The following TNFSF10 variants were observed in gnomAD, a reference collection of about 807,000 sequenced individuals.
TNFSF10 encodes tumor necrosis factor ligand superfamily member 10.
Under a neutral mutation model 29.5 loss-of-function variants are expected in TNFSF10, and 13 were observed. The observed-to-expected ratio is 0.44, with a 90% confidence interval of 0.29 to 0.70. The LOEUF is 0.70. TNFSF10 is among the 30% of genes least tolerant of loss of function. The probability of loss-of-function intolerance (pLI) is 0.13; values close to 1 mark genes in which losing one functional copy is unlikely to be tolerated. For synonymous variants in TNFSF10, 111 were observed against 112.8 expected (o/e 0.98, Z 0.10); for missense variants, 345 against 330.9 (o/e 1.04, Z -0.33).
At position 172,506,151 on chromosome 3, in the gene TNFSF10, C is replaced by G; in HGVS notation, c.*341G>C. The G allele has an allele frequency of 4.6e-6, 1 of 216,078 alleles. No homozygotes were observed. The highest frequency in any genetic ancestry group is 9.1e-6 in the Non-Finnish European group (1 of 109,928). The allele number at this position is 216,078 out of a possible 1,614,324, so 13.4% of individuals were successfully genotyped here. A position where few individuals can be genotyped will look rare whatever the true frequency, so the allele number is the denominator to read the frequency against. On this transcript the variant is annotated 3_prime_UTR_variant, in exon 5 of 5. Transcript: ENST00000241261. ...GGATTGTTGCTCTTTCTTCTACAGT[C>G]TTTACAAGGAGTAGATTATAAAGAC... is the stretch of plus-strand genomic sequence containing the variant.
rs548906990 is a variant in TNFSF10 at position 172,516,028 on chromosome 3, C to T, written c.133-1030G>A. Among the ~76,000 whole-genome samples the T allele has an allele frequency of 1.4e-4, 22 of 152,160 alleles. No homozygotes were observed. The Middle Eastern group carries it at 0.01, about 71-fold the overall frequency. On this transcript the variant is annotated intron_variant, in intron 1 of 4. Coordinates refer to ENST00000241261, the MANE Select transcript of TNFSF10 (RefSeq NM_003810.4). The stretch of plus-strand genomic sequence containing the variant: ...CTATAATCCCAGCACTCTGGGAGGC[C>T]GAGGCGGGTGAATCACAAAGTCAGG...
At chr3:172,515,720 C>T (rs763055346) in intron 1 of TNFSF10, among the ~76,000 whole-genome samples, 1 of 152,076 alleles carries the variant, frequency 6.6e-6, no homozygotes, top group African/African-American at 2.4e-5. Context: ...TATCAACGAG[C>T]TCCTCACCCT....
chr3:172,523,293 A>T lies in TNFSF10; in HGVS notation c.92T>A (p.Val31Glu), dbSNP rs774326181. 1 of 1,613,916 alleles carries T rather than the reference A, an allele frequency of 6.2e-7. No homozygotes were observed. Among genetic ancestry groups the T allele is most frequent in the African/African-American group, 1.3e-5 (1 of 74,934 alleles). The change falls in exon 1 of 5, where the codon GTG becomes GAG. Residue 31 changes from valine to glutamate, a missense_variant. Val to Glu is a moderately radical substitution (Grantham distance 121). Transcript: ENST00000241261. ...IFTVLLQSLC[V>E]AVTYVYFTNE... ...GGTAAAGTACACGTAAGTTACAGCC[A>T]CACAGAGAGACTGCAGGAGCACTGT...
At chr3:172,512,321 G>A (rs1713256053) in intron 2 of TNFSF10, among the ~76,000 whole-genome samples, 1 of 152,142 alleles carries the variant, frequency 6.6e-6, no homozygotes, top group South Asian at 2.1e-4. Flanking sequence ...TAACCAGTGG[G>A]GAAAACCAGT....
chr3:172,506,771 G>A lies in TNFSF10; in HGVS notation c.567C>T (p.Tyr189=), dbSNP rs751970569. 1 of 1,614,154 alleles carries A rather than the reference G, an allele frequency of 6.2e-7. No homozygotes were observed. The highest frequency in any genetic ancestry group is 1.1e-5 in the South Asian group (1 of 91,084). ...CTTTTATTTCCTCCTGAAATCGAAAGTATGTTTGGGAATAGATGTAGTAAA... is the reference window on the plus strand; with the variant it reads ...CTTTTATTTCCTCCTGAAATCGAAAATATGTTTGGGAATAGATGTAGTAAA... ...KGFYYIYSQT[Y]FRFQEEIKEN... is the part of the protein sequence containing the mutation. The change falls in exon 5 of 5, where the codon TAC becomes TAT. Residue 189 remains tyrosine, a synonymous_variant. Transcript: ENST00000241261.
In TNFSF10 at chr3:172,506,196, A is replaced by G. The variant is rs1712975821; in HGVS notation, c.*296T>C. ...AAAGACAGAAGATGTTAACCATTGC[A>G]TTAATGTTTGGAAGCTGACAGTCTT... On this transcript the variant is annotated 3_prime_UTR_variant, in exon 5 of 5. Coordinates refer to ENST00000241261, the MANE Select transcript of TNFSF10 (RefSeq NM_003810.4). The G allele has an allele frequency of 6.0e-6, 2 of 332,720 alleles. No homozygotes were observed. Among genetic ancestry groups the G allele is most frequent in the African/African-American group, 2.2e-5 (1 of 46,106 alleles). 20.6% of individuals were successfully genotyped at this position (332,720 alleles called of 1,614,324 possible).
intron 1 of TNFSF10, among the ~76,000 whole-genome samples, chr3:172,515,517 T>C (rs900642953): frequency 6.6e-5 from 10 of 152,212 alleles, no homozygotes; most frequent in Non-Finnish European, 1.5e-4. Flanking sequence ...GCTAGCTAAA[T>C]AGATTCTAGT....
intron 3 of TNFSF10, 70 bp from the exon 4 acceptor site, chr3:172,509,391 G>A (rs1713126314): frequency 2.4e-6 from 3 of 1,246,930 alleles, no homozygotes; most frequent in East Asian, 2.4e-5. Context: ...CTCTTCATAG[G>A]TGTTGTCAAT....
At chr3:172,515,708 A>T (rs1031076985) in intron 1 of TNFSF10, among the ~76,000 whole-genome samples, 2 of 152,062 alleles carry the variant, frequency 1.3e-5, no homozygotes, top group Non-Finnish European at 2.9e-5. Context: ...TAGTCAGATC[A>T]TTATCAACGA....
At position 172,511,508 on chromosome 3, in the gene TNFSF10, A is replaced by C. The variant is rs2108445984; in HGVS notation, c.313+109T>G. 1.3e-5 allele frequency: 11 copies of C among 852,070 alleles called. No homozygotes were observed. The South Asian group carries it at 1.6e-4, about 12-fold the overall frequency. The allele number at this position is 852,070 out of a possible 1,614,324, so 52.8% of individuals were successfully genotyped here. A position where few individuals can be genotyped will look rare whatever the true frequency, so the allele number is the denominator to read the frequency against. On this transcript the variant is annotated intron_variant, in intron 3 of 4. Coordinates refer to ENST00000241261, the MANE Select transcript of TNFSF10 (RefSeq NM_003810.4). ...GGCTTGAGATACGGAGCAGCAGATC[A>C]GAGGATGGATGAGTGGATGAGAACA...
intron 1 of TNFSF10, among the ~76,000 whole-genome samples, chr3:172,519,934 C>A (rs538038108): frequency 3.9e-5 from 6 of 152,028 alleles, no homozygotes; most frequent in Non-Finnish European, 8.8e-5. Context: ...ATAGGTTAAC[C>A]CTGTGGACAT....
At chr3:172,519,857 T>C (rs768319072) in intron 1 of TNFSF10, among the ~76,000 whole-genome samples, 50 of 152,252 alleles carry the variant, frequency 3.3e-4, no homozygotes, top group Non-Finnish European at 5.6e-4. Context: ...TTTCATTTCC[T>C]AGTCAGCTGG....
intron 3 of TNFSF10, among the ~76,000 whole-genome samples, chr3:172,509,976 CAAAA>C (rs11290814): frequency 8.8e-5 from 9 of 101,872 alleles, no homozygotes; most frequent in Admixed American, 1.1e-4. Flanking sequence ...AAGACTCCGT[CAAAA>C]AAAAAAAAAA....
chr3:172,521,398 G>A (rs974485152), intron 1 of TNFSF10, among the ~76,000 whole-genome samples: 3 of 151,890 alleles, frequency 2.0e-5, no homozygotes, highest in Non-Finnish European at 2.9e-5. Context: ...CAAAAGATAT[G>A]AACAGATACT....
intron 1 of TNFSF10, chr3:172,522,471 A>C (rs1322421120): frequency 2.3e-6 from 3 of 1,311,252 alleles, no homozygotes; most frequent in Non-Finnish European, 3.3e-6. Context: ...ATTGGTTAGA[A>C]TCTCTTACTG....
At chr3:172,509,870 T>G (rs1382763049) in intron 3 of TNFSF10, among the ~76,000 whole-genome samples, 1 of 150,720 alleles carries the variant, frequency 6.6e-6, no homozygotes, top group Middle Eastern at 3.2e-3. Flanking sequence ...TCCCAACTAC[T>G]CAGGAGGCTG....
intron 3 of TNFSF10, among the ~76,000 whole-genome samples, chr3:172,511,010 TA>T (rs1352989815): frequency 4.6e-5 from 7 of 152,038 alleles, no homozygotes; most frequent in African/African-American, 1.7e-4. Context: ...ACGTGAGCTG[TA>T]AAGTACGATG....
chr3:172,518,352 T>C lies in TNFSF10; in HGVS notation c.133-3354A>G, dbSNP rs376741193. On this transcript the variant is annotated intron_variant, in intron 1 of 4. Transcript: ENST00000241261. ...GGTTGTCTAGGCCAGGGTCAACCAG[T>C]CCTTGATGGGGCTTGAGGTCAGCAG... 2.4e-4 allele frequency: 305 copies of C among 1,280,566 alleles called. 3 individuals carry two copies. The African/African-American group carries it at 3.7e-3, about 16-fold the overall frequency. 79.3% of individuals were successfully genotyped at this position (1,280,566 alleles called of 1,614,324 possible).
chr3:172,517,735 A>G (rs979222270), intron 1 of TNFSF10: 1 of 984,514 alleles, frequency 1.0e-6, no homozygotes, highest in Non-Finnish European at 1.2e-6. Flanking sequence ...AAAATTATAC[A>G]TGGATAGCAT....
Sources: gnomAD v4.1 joint callset for allele counts (sites outside exome capture counted in the v4.1 genomes callset) on GRCh38, gnomAD v4.1.1 for gene constraint, MANE v1.5 for transcripts, NCBI Gene and HGNC (gene_info 2026-07-23, HGNC 2026-07-21) for gene names.